The following PTPRN2 variants were observed in gnomAD, a reference collection of about 807,000 sequenced individuals.
The protein encoded by PTPRN2 is receptor-type tyrosine-protein phosphatase N2.
Under a neutral mutation model 118.8 loss-of-function variants are expected in PTPRN2, and 74 were observed. The ratio of observed to expected loss-of-function variants is 0.62; its 90% CI spans 0.52 to 0.76. The LOEUF (loss-of-function observed/expected upper bound fraction) is 0.76. PTPRN2 is among the 30% of genes least tolerant of loss of function. The probability of loss-of-function intolerance (pLI) is 0.00; values close to 1 mark genes in which losing one functional copy is unlikely to be tolerated. For synonymous variants in PTPRN2, 641 were observed against 608.0 expected (o/e 1.05, Z -0.80); for missense variants, 1,481 against 1,394.4 (o/e 1.06, Z -0.99).
chr7:157,941,790 T>C (rs1464056577), intron 11 of PTPRN2, among the ~76,000 whole-genome samples: 2 of 152,118 alleles, frequency 1.3e-5, no homozygotes, highest in Admixed American at 6.5e-5. Flanking sequence ...AAGGTCTCCC[T>C]CCCAATAGCC....
chr7:157,810,999 C>T (rs1805994849), intron 12 of PTPRN2, among the ~76,000 whole-genome samples: 1 of 152,058 alleles, frequency 6.6e-6, no homozygotes, highest in Non-Finnish European at 1.5e-5. Flanking sequence ...GGGCGGGGCG[C>T]TGTGGCTCAT....
At chr7:157,939,343 G>T (rs4716817) in intron 11 of PTPRN2, among the ~76,000 whole-genome samples, 58,715 of 151,860 alleles carry the variant, frequency 0.39, 13,576 homozygotes, top group East Asian at 0.63. Flanking sequence ...GGGGCTGGTG[G>T]CTGTCCTGCA....
At chr7:157,669,551 C>T (rs766091533) in intron 13 of PTPRN2, 1 of 490,732 alleles carries the variant, frequency 2.0e-6, no homozygotes, top group South Asian at 1.5e-5. Context: ...GTAAGCACAG[C>T]TCCTGCAGGA....
chr7:157,851,748 C>T (rs1464365940), intron 12 of PTPRN2, among the ~76,000 whole-genome samples: 1 of 152,268 alleles, frequency 6.6e-6, no homozygotes, highest in South Asian at 2.1e-4. Flanking sequence ...TCTCCTGTAA[C>T]AGTGTGGTCC....
chr7:157,601,279 G>A (rs1023775802), intron 16 of PTPRN2, among the ~76,000 whole-genome samples: 16 of 152,192 alleles, frequency 1.1e-4, no homozygotes. Flanking sequence ...AAATATGACA[G>A]ATGTAATTAT....
intron 22 of PTPRN2, among the ~76,000 whole-genome samples, chr7:157,541,471 T>C (rs1001081717): frequency 6.6e-6 from 1 of 152,250 alleles, no homozygotes; most frequent in African/African-American, 2.4e-5. Context: ...GGGTTCACGA[T>C]GCCAGGACTA....
intron 2 of PTPRN2, among the ~76,000 whole-genome samples, chr7:158,456,461 G>A (rs114183640): frequency 0.011 from 1,656 of 148,550 alleles, 48 homozygotes; most frequent in African/African-American, 0.038. Flanking sequence ...TGGCACGGAC[G>A]CCATCGGCAA....
At chr7:157,984,056 A>C (rs1385198712) in intron 11 of PTPRN2, among the ~76,000 whole-genome samples, 1 of 152,162 alleles carries the variant, frequency 6.6e-6, no homozygotes, top group Non-Finnish European at 1.5e-5. Flanking sequence ...GCACTTGCAC[A>C]GCCAAGCACC....
intron 12 of PTPRN2, among the ~76,000 whole-genome samples, chr7:157,740,662 C>A (rs1800584790): frequency 6.6e-6 from 1 of 152,182 alleles, no homozygotes; most frequent in African/African-American, 2.4e-5. Flanking sequence ...GTGGCGGGAG[C>A]TTCTCAGAGG....
At position 158,489,728 on chromosome 7, in the gene PTPRN2, C is replaced by A; in HGVS notation, c.163+7G>T. 1 of 1,577,348 alleles carries A rather than the reference C, an allele frequency of 6.3e-7. No individual in the cohort carries two copies. The highest frequency in any genetic ancestry group is 8.6e-7 in the Non-Finnish European group (1 of 1,163,002). The stretch of plus-strand genomic sequence containing the variant: ...CCAGGGCGCAGCAGCCAGGACCCCA[C>A]ACTCACCGTTCACACAGGCCTCGGA... On this transcript the variant is annotated splice_region_variant and intron_variant, in intron 2 of 22. Coordinates refer to ENST00000389418, the MANE Select transcript of PTPRN2 (RefSeq NM_002847.5).
intron 2 of PTPRN2, among the ~76,000 whole-genome samples, chr7:158,465,488 C>T (rs1230867755): frequency 6.6e-6 from 1 of 152,220 alleles, no homozygotes; most frequent in Non-Finnish European, 1.5e-5. Context: ...CATTCCTGAG[C>T]ATCTAATCTA....
At chr7:158,270,356 GGCA>G (rs1409208810) in intron 3 of PTPRN2, among the ~76,000 whole-genome samples, 1 of 152,178 alleles carries the variant, frequency 6.6e-6, no homozygotes, top group African/African-American at 2.4e-5. Flanking sequence ...TGGGAGCACA[GGCA>G]TGGTTCTCGG....
intron 3 of PTPRN2, among the ~76,000 whole-genome samples, chr7:158,269,049 G>A (rs941217083): frequency 2.0e-5 from 3 of 152,198 alleles, no homozygotes; most frequent in Non-Finnish European, 4.4e-5. Context: ...TAGGAAGGAC[G>A]TGGCGGCTGC....
At chr7:157,790,459 T>C (rs1249812855) in intron 12 of PTPRN2, among the ~76,000 whole-genome samples, 1 of 152,096 alleles carries the variant, frequency 6.6e-6, no homozygotes, top group Non-Finnish European at 1.5e-5. Context: ...AATCGTGTTT[T>C]GCGTGAAGAT....
chr7:158,139,464 C>T (rs1585580718), intron 6 of PTPRN2, among the ~76,000 whole-genome samples: 1 of 152,026 alleles, frequency 6.6e-6, no homozygotes, highest in South Asian at 2.1e-4. Context: ...ACCCCTGGGG[C>T]ATCCAAGCCG....
chr7:158,259,635 G>A (rs919959481), intron 3 of PTPRN2, among the ~76,000 whole-genome samples: 8 of 152,244 alleles, frequency 5.3e-5, no homozygotes, highest in Non-Finnish European at 7.3e-5. Context: ...TCACCAGGGA[G>A]CAGCATGGCT....
At chr7:158,406,308 T>G (rs1219504757) in intron 2 of PTPRN2, among the ~76,000 whole-genome samples, 11 of 90,704 alleles carry the variant, frequency 1.2e-4, no homozygotes, top group Admixed American at 2.4e-4. Context: ...CGTGAGACAT[T>G]TGGCTGCACA....
In PTPRN2 at chr7:157,861,496, CA is replaced by C. The variant is rs1488147098; in HGVS notation, c.1788+37176del. Among the ~76,000 whole-genome samples the C allele has an allele frequency of 1.3e-5, 2 of 152,248 alleles. No homozygotes were observed. Among genetic ancestry groups the C allele is most frequent in the African/African-American group, 4.8e-5 (2 of 41,476 alleles). On this transcript the variant is annotated intron_variant, in intron 12 of 22. Coordinates refer to ENST00000389418, the MANE Select transcript of PTPRN2 (RefSeq NM_002847.5). The surrounding 1 kb of genome is among the most constrained non-coding windows in gnomAD (Gnocchi z 5.8). The stretch of plus-strand genomic sequence containing the variant: ...GCTGGCCCGCCCTCCCTGAGTCTTG[CA>C]GGGCCCAGCCGCTGTGCCTCTGTGT...
At chr7:158,319,489 C>CGT in intron 2 of PTPRN2, among the ~76,000 whole-genome samples, 1 of 60,470 alleles carries the variant, frequency 1.7e-5, no homozygotes, top group Non-Finnish European at 3.4e-5. Flanking sequence ...CAGCCTCCCT[C>CGT]ACACTCACAC....
Sources: gnomAD v4.1 joint callset for allele counts (sites outside exome capture counted in the v4.1 genomes callset) on GRCh38, gnomAD v4.1.1 for gene constraint, Gnocchi (gnomAD v3.1) non-coding constraint, MANE v1.5 for transcripts, NCBI Gene and HGNC (gene_info 2026-07-23, HGNC 2026-07-21) for gene names.